The following CD38 variants were observed in gnomAD, a reference collection of about 807,000 sequenced individuals.
CD38 encodes ADP-ribosyl cyclase/cyclic ADP-ribose hydrolase 1.
In CD38, 31 loss-of-function variants were observed where a neutral mutation model predicts 36.3. The ratio of observed to expected loss-of-function variants is 0.85; its 90% CI spans 0.64 to 1.15. The LOEUF is 1.15. Ranked by LOEUF, CD38 falls within the 50% of genes most tolerant of loss-of-function variation. The probability of loss-of-function intolerance (pLI) is 0.00; values close to 1 mark genes in which losing one functional copy is unlikely to be tolerated. For missense variants in CD38, 380 were observed against 371.9 expected, an observed-to-expected ratio of 1.02 and a Z score of -0.18; for synonymous variants, 131 against 135.2, an observed-to-expected ratio of 0.97 and a Z score of 0.22.
intron 1 of CD38, among the ~76,000 whole-genome samples, chr4:15,784,559 G>T (rs1722769880): frequency 1.3e-5 from 2 of 152,074 alleles, no homozygotes; most frequent in South Asian, 4.2e-4. Context: ...GACTATGAGG[G>T]TGACCATTTT....
intron 2 of CD38, 35 bp downstream of exon 2, chr4:15,816,675 G>C (rs758330072): frequency 6.2e-7 from 1 of 1,610,570 alleles, no homozygotes; most frequent in Non-Finnish European, 8.5e-7. Context: ...TTAAAACTGG[G>C]GATAAAAGCC....
chr4:15,821,365 C>G (rs1261230820), intron 2 of CD38, among the ~76,000 whole-genome samples: 1 of 150,006 alleles, frequency 6.7e-6, no homozygotes, highest in Admixed American at 6.7e-5. Flanking sequence ...GAGATAGAGA[C>G]ACAAAAATCC....
rs200592624 is a variant in CD38 at position 15,834,207 on chromosome 4, T to C, written c.500-10T>C. 1.9e-6 allele frequency: 3 copies of C among 1,549,134 alleles called. No homozygotes were observed. Among genetic ancestry groups the C allele is most frequent in the Middle Eastern group, 1.7e-4 (1 of 5,942 alleles). ...TTTCCACTTTATTTTCTACAAACTA[T>C]GTCTTTTAGAAATAAACTATCAATC... On this transcript the variant is annotated splice_polypyrimidine_tract_variant and intron_variant, in intron 3 of 7. Coordinates refer to ENST00000226279, the MANE Select transcript of CD38 (RefSeq NM_001775.4).
intron 1 of CD38, among the ~76,000 whole-genome samples, chr4:15,800,170 G>A (rs951338515): frequency 2.0e-5 from 3 of 152,166 alleles, no homozygotes; most frequent in Non-Finnish European, 4.4e-5. Context: ...GTAAGAGAGT[G>A]TGCTGTTGAC....
intron 4 of CD38, among the ~76,000 whole-genome samples, chr4:15,835,948 A>T (rs1232761729): frequency 6.6e-6 from 1 of 152,192 alleles, no homozygotes; most frequent in Non-Finnish European, 1.5e-5. Context: ...ACAAGGAAAC[A>T]TTTCTTTTCA....
chr4:15,788,657 C>T (rs949534518), intron 1 of CD38, among the ~76,000 whole-genome samples: 1 of 152,176 alleles, frequency 6.6e-6, no homozygotes, highest in Non-Finnish European at 1.5e-5. Context: ...ACATCAGAAT[C>T]AGGACCCCGA....
At chr4:15,824,311 T>C (rs1723799985) in intron 2 of CD38, among the ~76,000 whole-genome samples, 1 of 152,094 alleles carries the variant, frequency 6.6e-6, no homozygotes, top group Non-Finnish European at 1.5e-5. Context: ...ATGCCCAGGA[T>C]ATACATTTTA....
chr4:15,785,775 C>T (rs182001486), intron 1 of CD38, among the ~76,000 whole-genome samples: 70 of 152,246 alleles, frequency 4.6e-4, no homozygotes, highest in Middle Eastern at 3.4e-3. Context: ...TTAGTGGGTC[C>T]GGAATTCGTG....
In CD38 at chr4:15,852,329, A is replaced by T. The variant is rs533276179; in HGVS notation, c.*3727A>T. The T allele has an allele frequency of 3.3e-5, 5 of 152,338 alleles. No homozygotes were observed. The highest frequency in any genetic ancestry group is 1.2e-4 in the African/African-American group (5 of 41,576). 9.4% of individuals were successfully genotyped at this position (152,338 alleles called of 1,614,324 possible). A position where few individuals can be genotyped will look rare whatever the true frequency, so the allele number is the denominator to read the frequency against. On this transcript the variant is annotated 3_prime_UTR_variant, in exon 8 of 8. Coordinates refer to ENST00000226279, the MANE Select transcript of CD38 (RefSeq NM_001775.4). ...GAAGAAGCTCAACCCATGTCTGCAC[A>T]CTGTGATACAAGGGGGACAGCATCG... is the stretch of plus-strand genomic sequence containing the variant.
At chr4:15,790,345 G>GT (rs879373376) in intron 1 of CD38, among the ~76,000 whole-genome samples, 4,544 of 134,110 alleles carry the variant, frequency 0.034, 42 homozygotes, top group African/African-American at 0.089. Flanking sequence ...ACTGGTTTTC[G>GT]TTTTTTTTTT....
At chr4:15,824,565 C>T (rs1481404161) in intron 2 of CD38, among the ~76,000 whole-genome samples, 2 of 152,042 alleles carry the variant, frequency 1.3e-5, no homozygotes, top group African/African-American at 4.8e-5. Context: ...AATATCGTAA[C>T]TCTCTGATGC....
intron 3 of CD38, among the ~76,000 whole-genome samples, chr4:15,833,982 T>C: frequency 6.6e-6 from 1 of 152,208 alleles, no homozygotes; most frequent in East Asian, 1.9e-4. Flanking sequence ...CCCAGAACCA[T>C]GACTCAAAAC....
intron 1 of CD38, among the ~76,000 whole-genome samples, chr4:15,784,102 C>G (rs1053275659): frequency 6.6e-6 from 1 of 152,316 alleles, no homozygotes; most frequent in African/African-American, 2.4e-5. Flanking sequence ...GAGGCCTGTA[C>G]ACAGCCAAGA....
intron 1 of CD38, among the ~76,000 whole-genome samples, chr4:15,796,743 C>T (rs1005183293): frequency 3.2e-4 from 48 of 152,036 alleles, no homozygotes; most frequent in African/African-American, 1.1e-3. Context: ...ATATATTTTT[C>T]CACACATAGT....
intron 2 of CD38, among the ~76,000 whole-genome samples, chr4:15,820,213 A>G (rs1480702912): frequency 6.6e-6 from 1 of 152,222 alleles, no homozygotes; most frequent in Non-Finnish European, 1.5e-5. Flanking sequence ...ATGGAAAGGA[A>G]AAACCATTAT....
At chr4:15,798,931 T>C (rs1379451261) in intron 1 of CD38, among the ~76,000 whole-genome samples, 4 of 152,234 alleles carry the variant, frequency 2.6e-5, no homozygotes, top group African/African-American at 9.6e-5. Flanking sequence ...TCTAATCTTC[T>C]GTCAGTTATG....
intron 1 of CD38, among the ~76,000 whole-genome samples, chr4:15,788,234 A>G (rs1722884157): frequency 6.6e-6 from 1 of 152,272 alleles, no homozygotes; most frequent in Non-Finnish European, 1.5e-5. Context: ...TGTTCAGAGC[A>G]TATTGGATGA....
At chr4:15,792,689 C>G (rs1221357381) in intron 1 of CD38, among the ~76,000 whole-genome samples, 1 of 152,030 alleles carries the variant, frequency 6.6e-6, no homozygotes, top group African/African-American at 2.4e-5. Flanking sequence ...ATAATTTTGT[C>G]TGTAAATCTT....
chr4:15,792,442 AAAAG>A (rs1723022683), intron 1 of CD38, among the ~76,000 whole-genome samples: 1 of 149,940 alleles, frequency 6.7e-6, no homozygotes, highest in South Asian at 2.1e-4. Context: ...TAAAATAAAA[AAAAG>A]GAATGAATCA....
Sources: allele counts gnomAD v4.1 joint callset (sites outside exome capture counted in the v4.1 genomes callset), GRCh38; gene constraint gnomAD v4.1.1; transcripts MANE v1.5; gene names NCBI Gene and HGNC (gene_info 2026-07-23, HGNC 2026-07-21).